The following BLTP3A variants were observed in gnomAD, a reference collection of about 807,000 sequenced individuals.
The protein encoded by BLTP3A is bridge-like lipid transfer protein family member 3A.
chr6:34,820,569 G>GT, the BLTP3A span, among the ~76,000 whole-genome samples: 1 of 151,304 alleles, frequency 6.6e-6, no homozygotes, highest in African/African-American at 2.4e-5. Flanking sequence ...TGTGGCTGTT[G>GT]TTTTTTCCCC....
the BLTP3A span, among the ~76,000 whole-genome samples, chr6:34,863,464 C>G: frequency 2.0e-5 from 3 of 152,168 alleles, no homozygotes; most frequent in Admixed American, 6.5e-5. Context: ...TTCTCACTTT[C>G]ACAGTCCTTC....
chr6:34,877,236 G>A, the BLTP3A span: 1 of 152,640 alleles, frequency 6.6e-6, no homozygotes, highest in African/African-American at 2.4e-5. Context: ...AAAGCTTCAC[G>A]AGAGAACAGC....
At chr6:34,857,824 C>A in the BLTP3A span, 2 of 1,614,152 alleles carry the variant, frequency 1.2e-6, no homozygotes, top group South Asian at 2.2e-5. Flanking sequence ...ATTTATACCG[C>A]AGCTTGGAGC....
At chr6:34,836,127 C>G in the BLTP3A span, 2 of 1,604,582 alleles carry the variant, frequency 1.2e-6, no homozygotes, top group Non-Finnish European at 8.5e-7. Flanking sequence ...AGGGTCTGGA[C>G]TTCCTGTTTC....
the BLTP3A span, among the ~76,000 whole-genome samples, chr6:34,832,814 T>C: frequency 1.3e-5 from 2 of 152,230 alleles, no homozygotes; most frequent in African/African-American, 4.8e-5. Flanking sequence ...GGTCCCACTT[T>C]TATCAGGCTC....
chr6:34,797,001 C>A, the BLTP3A span, among the ~76,000 whole-genome samples: 1 of 152,214 alleles, frequency 6.6e-6, no homozygotes. Context: ...CTGCGCCCGG[C>A]CCTGAGCCTT....
chr6:34,864,908 C>T, the BLTP3A span, among the ~76,000 whole-genome samples: 1 of 152,052 alleles, frequency 6.6e-6, no homozygotes, highest in Non-Finnish European at 1.5e-5. Flanking sequence ...GTGGAGGATG[C>T]AGTGAGCTGA....
the BLTP3A span, among the ~76,000 whole-genome samples, chr6:34,831,531 T>G: frequency 0.44 from 66,541 of 151,960 alleles, 16,371 homozygotes; most frequent in African/African-American, 0.67. Flanking sequence ...TGTATCTTGT[T>G]TAAGTTCCTT....
the BLTP3A span, among the ~76,000 whole-genome samples, chr6:34,829,426 A>G: frequency 1.2e-4 from 19 of 152,318 alleles, no homozygotes; most frequent in East Asian, 3.1e-3. Context: ...TTAAAAAGGA[A>G]TAAAGAACTG....
chr6:34,822,850 G>A, the BLTP3A span, among the ~76,000 whole-genome samples: 12 of 149,446 alleles, frequency 8.0e-5, no homozygotes, highest in South Asian at 1.9e-3. Context: ...ACTCTGTTTC[G>A]GGAAAAAAAA....
At chr6:34,808,824 G>T in the BLTP3A span, among the ~76,000 whole-genome samples, 3 of 152,078 alleles carry the variant, frequency 2.0e-5, no homozygotes, top group African/African-American at 4.8e-5. Flanking sequence ...AAGCCATCCT[G>T]CCTTAGCCTC....
chr6:34,794,433 A>G, the BLTP3A span, among the ~76,000 whole-genome samples: 97 of 152,356 alleles, frequency 6.4e-4, no homozygotes, highest in Non-Finnish European at 1.1e-3. Flanking sequence ...AACATGAGGT[A>G]TGGTTATTTT....
At chr6:34,833,794 G>T in the BLTP3A span, among the ~76,000 whole-genome samples, 123 of 151,858 alleles carry the variant, frequency 8.1e-4, no homozygotes, top group South Asian at 8.1e-3. Context: ...GGGAGTGGTG[G>T]CGCGTGGCTC....
At chr6:34,838,497 A>T in the BLTP3A span, among the ~76,000 whole-genome samples, 1 of 99,942 alleles carries the variant, frequency 1.0e-5, no homozygotes, top group African/African-American at 5.0e-5. Flanking sequence ...CTCAAGCCAC[A>T]AAAAATGCTG....
chr6:34,809,719 T>G, the BLTP3A span, among the ~76,000 whole-genome samples: 2 of 152,050 alleles, frequency 1.3e-5, no homozygotes, highest in Admixed American at 6.6e-5. Context: ...CATGCCCGGC[T>G]AATTTTTTGT....
the BLTP3A span, among the ~76,000 whole-genome samples, chr6:34,863,278 T>C: frequency 1.6e-4 from 24 of 152,158 alleles, no homozygotes; most frequent in African/African-American, 5.8e-4. Context: ...GGGAGGGTGG[T>C]ATTTAAAGGT....
At chr6:34,837,571 A>G in the BLTP3A span, among the ~76,000 whole-genome samples, 1 of 152,004 alleles carries the variant, frequency 6.6e-6, no homozygotes, top group Non-Finnish European at 1.5e-5. Flanking sequence ...CTAGCTACTC[A>G]GGAGGCTAAG....
chr6:34,799,848 A>G, the BLTP3A span, among the ~76,000 whole-genome samples: 4 of 152,212 alleles, frequency 2.6e-5, no homozygotes, highest in South Asian at 8.3e-4. Flanking sequence ...ATTACAATTT[A>G]TCTTTACTTA....
the BLTP3A span, among the ~76,000 whole-genome samples, chr6:34,851,925 C>T: frequency 2.6e-5 from 4 of 152,202 alleles, no homozygotes; most frequent in Non-Finnish European, 5.9e-5. Context: ...ACAGCAAGTA[C>T]TGCCTGGCTA....
Sources: allele counts gnomAD v4.1 joint callset (sites outside exome capture counted in the v4.1 genomes callset), GRCh38; gene constraint gnomAD v4.1.1; transcripts MANE v1.5; gene names NCBI Gene and HGNC (gene_info 2026-07-23, HGNC 2026-07-21).